PXK: variants seen among roughly 807,000 people sequenced by gnomAD.
PXK encodes PX domain containing serine/threonine kinase like, also known as PX domain-containing protein kinase-like protein.
A neutral mutation model predicts 84.7 loss-of-function variants in PXK; 35 were observed. The ratio of observed to expected loss-of-function variants is 0.41; its 90% CI spans 0.32 to 0.55. The LOEUF (loss-of-function observed/expected upper bound fraction) is 0.55. PXK is among the 20% of genes least tolerant of loss of function. The pLI is 0.21. For synonymous variants in PXK, 253 were observed against 260.8 expected, an observed-to-expected ratio of 0.97 and a Z score of 0.29; for missense variants, 634 against 699.7, an observed-to-expected ratio of 0.91 and a Z score of 1.06.
chr3:58,347,678 A>G (rs1048328087), intron 1 of PXK, among the ~76,000 whole-genome samples: 2 of 152,236 alleles, frequency 1.3e-5, no homozygotes, highest in African/African-American at 2.4e-5. Flanking sequence ...TACAGCTGCC[A>G]TGAATATTTG....
intron 1 of PXK, among the ~76,000 whole-genome samples, chr3:58,350,911 A>T (rs937452983): frequency 6.6e-6 from 1 of 152,190 alleles, no homozygotes; most frequent in Non-Finnish European, 1.5e-5. Context: ...CGTTATCCTA[A>T]GTGATGGTGA....
At chr3:58,391,115 C>T in intron 5 of PXK, 32 bp from the exon 6 acceptor site, 1 of 1,526,380 alleles carries the variant, frequency 6.6e-7, no homozygotes, top group Non-Finnish European at 9.1e-7. Flanking sequence ...AAAAATTGTG[C>T]AGCTCTAAGC....
At chr3:58,377,307 G>A (rs932197849) in intron 3 of PXK, among the ~76,000 whole-genome samples, 2 of 152,166 alleles carry the variant, frequency 1.3e-5, no homozygotes, top group Non-Finnish European at 2.9e-5. Flanking sequence ...GGAACAGTTA[G>A]GTTTGCCCAA....
chr3:58,392,982 G>C (rs1180797803), intron 7 of PXK, among the ~76,000 whole-genome samples: 2 of 152,014 alleles, frequency 1.3e-5, no homozygotes, highest in Non-Finnish European at 2.9e-5. Context: ...TAATAGAAGT[G>C]CTTCTTTAAA....
At chr3:58,403,737 G>A in intron 12 of PXK, 125 bp from the exon 13 acceptor site, 1 of 458,540 alleles carries the variant, frequency 2.2e-6, no homozygotes, top group Non-Finnish European at 3.8e-6. Context: ...ATTGGGCCAG[G>A]GGCTGGAGGA....
chr3:58,336,826 G>A lies in PXK; in HGVS notation c.102+3736G>A, dbSNP rs188309241. On this transcript the variant is annotated intron_variant, in intron 1 of 17. Coordinates refer to ENST00000356151, the MANE Select transcript of PXK (RefSeq NM_017771.5). ...CTCAGTTTTCTCCTTTTTTTGGGGG[G>A]TGGGGGACAGAGTCTCGCTCTGTCA... 8.6e-5 allele frequency among the ~76,000 whole-genome samples: 13 copies of A among 152,022 alleles called. No individual in the cohort carries two copies. The East Asian group carries it at 2.5e-3, about 29-fold the overall frequency.
chr3:58,355,069 G>C (rs2098041247), intron 1 of PXK, among the ~76,000 whole-genome samples: 1 of 151,556 alleles, frequency 6.6e-6, no homozygotes, highest in Non-Finnish European at 1.5e-5. Flanking sequence ...AGGTTACAGT[G>C]AGCCAAGATT....
intron 1 of PXK, among the ~76,000 whole-genome samples, chr3:58,338,587 C>T (rs1285175236): frequency 6.6e-6 from 1 of 151,732 alleles, no homozygotes; most frequent in Non-Finnish European, 1.5e-5. Flanking sequence ...TGTGCCATTG[C>T]ACTCCAGCCT....
At chr3:58,394,391 G>T (rs1270777009) in intron 7 of PXK, among the ~76,000 whole-genome samples, 15 of 152,312 alleles carry the variant, frequency 9.8e-5, no homozygotes, top group Non-Finnish European at 2.9e-5. Flanking sequence ...ATCTGAGGAG[G>T]ACACTGTGAA....
intron 1 of PXK, among the ~76,000 whole-genome samples, chr3:58,350,571 G>C (rs1216062374): frequency 6.6e-6 from 1 of 152,230 alleles, no homozygotes; most frequent in Non-Finnish European, 1.5e-5. Flanking sequence ...CCCTGGGTCA[G>C]ACTGGCCTGG....
At chr3:58,336,063 ATATATATAT>A (rs1463300561) in intron 1 of PXK, among the ~76,000 whole-genome samples, 17 of 58,108 alleles carry the variant, frequency 2.9e-4, no homozygotes, top group African/African-American at 8.0e-4. Flanking sequence ...ATATATATAT[ATATATATAT>A]TTTTTTTTTT....
chr3:58,336,934 C>G (rs769822338), intron 1 of PXK, among the ~76,000 whole-genome samples: 1 of 152,130 alleles, frequency 6.6e-6, no homozygotes, highest in Non-Finnish European at 1.5e-5. Context: ...CTCAGCCTCC[C>G]AAGTAGCTGG....
At chr3:58,350,966 T>G (rs575663569) in intron 1 of PXK, among the ~76,000 whole-genome samples, 1 of 152,300 alleles carries the variant, frequency 6.6e-6, no homozygotes, top group East Asian at 1.9e-4. Context: ...CTTCAGCCTA[T>G]AGTTTCAAGC....
Position 58,397,001 on chromosome 3 carries a change from G to A in PXK, c.823-38G>A. The A allele has an allele frequency of 1.9e-6, 3 of 1,582,782 alleles. No homozygotes were observed. Among genetic ancestry groups the A allele is most frequent in the South Asian group, 1.1e-5 (1 of 87,896 alleles). On this transcript the variant is annotated intron_variant, in intron 9 of 17. Coordinates refer to ENST00000356151, the MANE Select transcript of PXK (RefSeq NM_017771.5). This position sits in a 1 kb window ranked among gnomAD's most constrained non-coding sequence, Gnocchi z 4.7. Reference sequence around the variant, plus strand: ...TTTAACTTGTCTTATATCTGAATGAGTTTGGGGAAAATGTAACTTTCCCAT... The same window carrying A: ...TTTAACTTGTCTTATATCTGAATGAATTTGGGGAAAATGTAACTTTCCCAT...
rs2098544992 is a variant in PXK at position 58,385,683 on chromosome 3, G to A, written c.388+2983G>A. 6.6e-6 allele frequency among the ~76,000 whole-genome samples: 1 copy of A among 152,158 alleles called. No homozygotes were observed. On this transcript the variant is annotated intron_variant, in intron 4 of 17. Transcript: ENST00000356151. The surrounding 1 kb of genome is among the most constrained non-coding windows in gnomAD (Gnocchi z 5.1). The stretch of plus-strand genomic sequence containing the variant: ...CCAGCTAATTTTTTCATTGTTTGTA[G>A]AGAGGGGGTTTCACTATGTTGACTA...
In PXK at chr3:58,336,071, ATTT is replaced by A. The variant is rs1171021563; in HGVS notation, c.102+2997_102+2999del. On this transcript the variant is annotated intron_variant, in intron 1 of 17. Coordinates refer to ENST00000356151, the MANE Select transcript of PXK (RefSeq NM_017771.5). ...TATATATATATATATATATATATATATTTTTTTTTTTTTTTTTTAATACCAATG... is the reference window on the plus strand; with the variant it reads ...TATATATATATATATATATATATATATTTTTTTTTTTTTTTAATACCAATG... Among the ~76,000 whole-genome samples the A allele has an allele frequency of 5.3e-3, 273 of 51,434 alleles. 5 individuals carry two copies. Among genetic ancestry groups the A allele is most frequent in the African/African-American group, 0.016 (160 of 9,778 alleles). 33.7% of individuals were successfully genotyped at this position (51,434 alleles called of 152,430 possible). A position where few individuals can be genotyped will look rare whatever the true frequency, so the allele number is the denominator to read the frequency against.
intron 1 of PXK, among the ~76,000 whole-genome samples, chr3:58,349,524 T>A (rs2097883367): frequency 6.6e-6 from 1 of 151,856 alleles, no homozygotes; most frequent in South Asian, 2.1e-4. Flanking sequence ...CCTGGCTAAT[T>A]TTTGTATTTT....
At chr3:58,378,440 AT>A (rs1194417064) in intron 3 of PXK, among the ~76,000 whole-genome samples, 1 of 136,632 alleles carries the variant, frequency 7.3e-6, no homozygotes, top group Non-Finnish European at 1.6e-5. Flanking sequence ...TACAGGACTC[AT>A]TTTTGTTTCT....
chr3:58,397,273 G>C lies in PXK; in HGVS notation c.984+73G>C. ...TTATCCCCATGATCTGCCCATGTAG[G>C]AAATATGCACCAAGTAGTGAAAGGT... On this transcript the variant is annotated intron_variant, in intron 10 of 17. Transcript: ENST00000356151. The surrounding 1 kb of genome is among the most constrained non-coding windows in gnomAD (Gnocchi z 4.7). The C allele has an allele frequency of 6.6e-7, 1 of 1,508,916 alleles. No homozygotes were observed. The highest frequency in any genetic ancestry group is 9.1e-7 in the Non-Finnish European group (1 of 1,095,678). The allele number at this position is 1,508,916 out of a possible 1,614,324, so 93.5% of individuals were successfully genotyped here.
Sources: allele counts gnomAD v4.1 joint callset (sites outside exome capture counted in the v4.1 genomes callset), GRCh38; gene constraint gnomAD v4.1.1; non-coding constraint Gnocchi (gnomAD v3.1); transcripts MANE v1.5; gene names NCBI Gene and HGNC (gene_info 2026-07-23, HGNC 2026-07-21).